Variants in FOXK2 observed in about 807,000 individuals in gnomAD.
FOXK2 encodes forkhead box K2.
FOXK2 carries 24 observed loss-of-function variants against 53.3 expected under a neutral mutation model. That is an observed-to-expected ratio of 0.45 (90% CI 0.33 to 0.63). The LOEUF (loss-of-function observed/expected upper bound fraction) is 0.63, where lower values mean the gene tolerates loss of function less well. Among genes scored for constraint, FOXK2 ranks in the 30% least tolerant of loss-of-function variants. FOXK2 has a pLI of 0.03. For synonymous variants in FOXK2, 505 were observed against 407.1 expected (o/e 1.24, Z -2.89); for missense variants, 952 against 910.5 (o/e 1.05, Z -0.59).
intron 1 of FOXK2, among the ~76,000 whole-genome samples, chr17:82,555,885 CAAAAAAA>C (rs71168116): frequency 2.7e-5 from 2 of 74,242 alleles, no homozygotes; most frequent in Admixed American, 1.8e-4. Context: ...GACTCTATCA[CAAAAAAA>C]AAAAAAAAAA....
intron 4 of FOXK2, among the ~76,000 whole-genome samples, chr17:82,574,321 CT>C (rs750973206): frequency 0.054 from 7,338 of 137,096 alleles, 604 homozygotes; most frequent in African/African-American, 0.18. Flanking sequence ...TACTCTCTCT[CT>C]TTTTTTTTTT....
chr17:82,523,182 G>A (rs2044383345), intron 1 of FOXK2, among the ~76,000 whole-genome samples: 1 of 152,212 alleles, frequency 6.6e-6, no homozygotes, highest in Admixed American at 6.5e-5. Context: ...TCCCACTTGT[G>A]CTCAGGGAAG....
chr17:82,540,858 C>T (rs573640407), intron 1 of FOXK2, among the ~76,000 whole-genome samples: 1 of 152,318 alleles, frequency 6.6e-6, no homozygotes, highest in East Asian at 1.9e-4. Flanking sequence ...TTTCCCAGCG[C>T]ATCACACCTG....
chr17:82,565,739 A>G (rs984918418), intron 2 of FOXK2, among the ~76,000 whole-genome samples: 1 of 152,230 alleles, frequency 6.6e-6, no homozygotes, highest in Non-Finnish European at 1.5e-5. Context: ...TGCTGTGGAA[A>G]CAGACTAGCA....
Position 82,581,053 on chromosome 17 carries a change from T to C in FOXK2, c.910-1688T>C, listed in dbSNP as rs931970684. On this transcript the variant is annotated intron_variant, in intron 4 of 8. Coordinates refer to ENST00000335255, the MANE Select transcript of FOXK2 (RefSeq NM_004514.4). ...TGTATGTTGGATTTCTTAGTCACCT[T>C]TGACGATTTGAAATTCAGGCTGAGG... is the stretch of plus-strand genomic sequence containing the variant. 2.4e-4 allele frequency among the ~76,000 whole-genome samples: 36 copies of C among 152,256 alleles called. 4 individuals are homozygous for C. The highest frequency in any genetic ancestry group is 2.2e-3 in the Admixed American group (33 of 15,292).
rs1567975420 is a variant in FOXK2, at chr17:82,563,750, C to CTTTTT, written c.614+202_614+203insTTTTT. Among the ~76,000 whole-genome samples the CTTTTT allele has an allele frequency of 1.5e-4, 14 of 94,616 alleles. 6 individuals carry two copies. The highest frequency in any genetic ancestry group is 2.2e-4 in the African/African-American group (5 of 22,238). The allele number at this position is 94,616 out of a possible 152,430, so 62.1% of individuals were successfully genotyped here. A position where few individuals can be genotyped will look rare whatever the true frequency, so the allele number is the denominator to read the frequency against. On this transcript the variant is annotated intron_variant, in intron 2 of 8. Coordinates refer to ENST00000335255, the MANE Select transcript of FOXK2 (RefSeq NM_004514.4). Reference sequence around the variant, plus strand: ...GTTCCTGGTTTTTATTTACTCATTCCCTTTTTTTTTTTTTTTTTTGAGAAG... The same window carrying CTTTTT: ...GTTCCTGGTTTTTATTTACTCATTCCTTTTTCTTTTTTTTTTTTTTTTTTGAGAAG...
intron 7 of FOXK2, among the ~76,000 whole-genome samples, chr17:82,586,671 A>T (rs1005743897): frequency 6.6e-6 from 1 of 151,928 alleles, no homozygotes; most frequent in African/African-American, 2.4e-5. Flanking sequence ...GGGGGCTGAG[A>T]CGGTCGGATC....
In FOXK2 at chr17:82,519,947, C is replaced by T. The variant is rs1045659439; in HGVS notation, c.59C>T (p.Ala20Val). Residue 20 changes from alanine to valine, a missense_variant, in exon 1 of 9, where the codon GCC (alanine) becomes GTC (valine). Physicochemically the swap from Ala to Val is moderately conservative, Grantham distance 64. This residue lies in a region of FOXK2 where 163 missense variants were observed against 165.5 expected (regional missense o/e 0.98). Transcript: ENST00000335255. ...GGCACGCCACCCGCGGGCGGCGGGG[C>T]CGGGGGCGGCGGGGCCGGGGGCGGC... The part of the protein sequence containing the change: ...GAGTPPAGGG[A>V]GGGGAGGGGS... 5.6e-4 allele frequency: 464 copies of T among 827,540 alleles called. 3 individuals are homozygous for T. The African/African-American group carries it at 9.0e-3, about 16-fold the overall frequency. 51.3% of individuals were successfully genotyped at this position (827,540 alleles called of 1,614,324 possible). A position where few individuals can be genotyped will look rare whatever the true frequency, so the allele number is the denominator to read the frequency against.
chr17:82,524,664 C>T (rs2044399479), intron 1 of FOXK2, among the ~76,000 whole-genome samples: 1 of 152,176 alleles, frequency 6.6e-6, no homozygotes, highest in Non-Finnish European at 1.5e-5. Flanking sequence ...ACACAGGATG[C>T]AGGGCTGTGT....
Position 82,555,377 on chromosome 17 carries a change from G to A in FOXK2, c.420-7977G>A, listed in dbSNP as rs562629310. 6.6e-5 allele frequency among the ~76,000 whole-genome samples: 10 copies of A among 152,152 alleles called. No individual in the cohort carries two copies. In the South Asian group the frequency reaches 2.1e-3, roughly 32 times the overall value. On this transcript the variant is annotated intron_variant, in intron 1 of 8. Coordinates refer to ENST00000335255, the MANE Select transcript of FOXK2 (RefSeq NM_004514.4). ...CCTCCGTTCTGTTGTAATATTTTGCGGCTCTTTTTAGTGTCATGAGGCAAC... is the reference window on the plus strand; with the variant it reads ...CCTCCGTTCTGTTGTAATATTTTGCAGCTCTTTTTAGTGTCATGAGGCAAC...
At chr17:82,533,500 A>AG (rs2044491919) in intron 1 of FOXK2, among the ~76,000 whole-genome samples, 1 of 151,932 alleles carries the variant, frequency 6.6e-6, no homozygotes, top group Non-Finnish European at 1.5e-5. Flanking sequence ...AAAAAAAAAA[A>AG]GTATAGTGCA....
At chr17:82,549,930 C>G (rs1287107154) in intron 1 of FOXK2, among the ~76,000 whole-genome samples, 6 of 152,198 alleles carry the variant, frequency 3.9e-5, no homozygotes, top group African/African-American at 7.2e-5. Context: ...AGGCCGGGCC[C>G]AGTGGCTCAT....
intron 1 of FOXK2, among the ~76,000 whole-genome samples, chr17:82,533,013 C>T (rs1040577573): frequency 2.0e-5 from 3 of 152,168 alleles, no homozygotes; most frequent in African/African-American, 7.2e-5. Context: ...CCAGCAGTAT[C>T]ACTGTCTTCT....
intron 8 of FOXK2, chr17:82,600,715 C>G (rs1234196747): frequency 6.6e-6 from 1 of 152,370 alleles, no homozygotes; most frequent in East Asian, 1.9e-4. Context: ...TCTGCCCACA[C>G]ACCTCTGTGG....
intron 1 of FOXK2, among the ~76,000 whole-genome samples, chr17:82,523,012 C>G (rs1370869903): frequency 6.6e-6 from 1 of 152,150 alleles, no homozygotes; most frequent in Non-Finnish European, 1.5e-5. Context: ...CCAGGATGGT[C>G]TTGATCTCCT....
chr17:82,562,307 G>A (rs894916435), intron 1 of FOXK2, among the ~76,000 whole-genome samples: 19 of 152,182 alleles, frequency 1.2e-4, no homozygotes, highest in Non-Finnish European at 1.0e-4. Flanking sequence ...GAGGCTGGGC[G>A]CCATGGCTCA....
chr17:82,564,058 T>C (rs2044827110), intron 2 of FOXK2, among the ~76,000 whole-genome samples: 1 of 150,748 alleles, frequency 6.6e-6, no homozygotes, highest in East Asian at 1.9e-4. Context: ...GCCTGTTTAC[T>C]CATTCTTTAA....
intron 4 of FOXK2, among the ~76,000 whole-genome samples, chr17:82,574,698 C>T (rs558388937): frequency 1.3e-5 from 2 of 152,346 alleles, no homozygotes; most frequent in South Asian, 4.1e-4. Context: ...TCTTCCTGTG[C>T]CATGAGATTC....
intron 1 of FOXK2, among the ~76,000 whole-genome samples, chr17:82,549,929 C>A (rs1429766551): frequency 3.9e-5 from 6 of 152,140 alleles, no homozygotes; most frequent in African/African-American, 7.2e-5. Context: ...AAGGCCGGGC[C>A]CAGTGGCTCA....
Sources: allele counts gnomAD v4.1 joint callset (sites outside exome capture counted in the v4.1 genomes callset), GRCh38; gene constraint gnomAD v4.1.1; regional missense constraint gnomAD v4.1.1; transcripts MANE v1.5; gene names NCBI Gene and HGNC (gene_info 2026-07-23, HGNC 2026-07-21).